The following MAPK15 variants were observed in gnomAD, a reference collection of about 807,000 sequenced individuals.
MAPK15 encodes the protein mitogen-activated protein kinase 15.
Under a neutral mutation model 60.8 loss-of-function variants are expected in MAPK15, and 61 were observed. The observed-to-expected ratio is 1.00, with a 90% CI of 0.82 to 1.24. The LOEUF is 1.24. Among genes scored for constraint, MAPK15 ranks in the 50% most tolerant of loss-of-function variants. The probability of loss-of-function intolerance (pLI) is 0.00; values close to 1 mark genes in which losing one functional copy is unlikely to be tolerated. For synonymous variants in MAPK15, 356 were observed against 319.9 expected (o/e 1.11, Z -1.21); for missense variants, 808 against 741.1 (o/e 1.09, Z -1.05).
intron 6 of MAPK15, 24 bp downstream of exon 6, chr8:143,719,180 C>G (rs782639802): frequency 6.6e-7 from 1 of 1,513,332 alleles, no homozygotes; most frequent in Non-Finnish European, 8.9e-7. Context: ...ATCCCCAACC[C>G]CCCCTCCACC....
chr8:143,718,149 C>G, intron 3 of MAPK15, 63 bp from the exon 4 acceptor site: 2 of 1,612,898 alleles, frequency 1.2e-6, no homozygotes, highest in Non-Finnish European at 1.7e-6. Flanking sequence ...GAGAAACTGG[C>G]CTTCTTGGGC....
At position 143,718,397 on chromosome 8, in the gene MAPK15, G is replaced by A. The variant is rs373445972; in HGVS notation, c.286+95G>A. 140 of 1,133,628 alleles carry A rather than the reference G, an allele frequency of 1.2e-4. No individual in the cohort carries two copies. The African/African-American group carries it at 2.1e-3, about 17-fold the overall frequency. The allele number at this position is 1,133,628 out of a possible 1,614,324, so 70.2% of individuals were successfully genotyped here. ...TGCGTGTCCCCCTGCGTGTCCCTCT[G>A]CAGCTGGCCCACAGTGGCTTGCTCC... is the stretch of plus-strand genomic sequence containing the variant. On this transcript the variant is annotated intron_variant, in intron 4 of 13. Coordinates refer to ENST00000338033, the MANE Select transcript of MAPK15 (RefSeq NM_139021.3).
intron 4 of MAPK15, 171 bp from the exon 5 acceptor site, chr8:143,718,604 C>A: frequency 1.5e-6 from 1 of 648,886 alleles, no homozygotes; most frequent in Admixed American, 2.9e-5. Flanking sequence ...GTTAAAACTC[C>A]TGCAGACCTC....
chr8:143,718,227 C>G lies in MAPK15; in HGVS notation c.211C>G (p.Pro71Ala). ...CTCTCCCCAGGAGTTTGGGGACCAT[C>G]CCAACATCATCAGCCTCCTTGACGT... ...ITLLQEFGDHPNIISLLDVIR... is the reference protein window; with the variant it reads ...ITLLQEFGDHANIISLLDVIR... The change falls in exon 4 of 14, where the codon CCC becomes GCC. Residue 71 changes from proline (P) to alanine (A), a missense_variant. Coordinates refer to ENST00000338033, the MANE Select transcript of MAPK15 (RefSeq NM_139021.3). 4 of 1,614,198 alleles carry G rather than the reference C, an allele frequency of 2.5e-6. No homozygotes were observed. The highest frequency in any genetic ancestry group is 3.4e-6 in the Non-Finnish European group (4 of 1,180,022).
chr8:143,721,212 C>A lies in MAPK15; in HGVS notation c.1024-19C>A. On this transcript the variant is annotated intron_variant, in intron 10 of 13. Coordinates refer to ENST00000338033, the MANE Select transcript of MAPK15 (RefSeq NM_139021.3). ...CCATGCCCAGGCTGTGACCTCTGAG[C>A]ACCCTTCCCCTCCCGCAGATGATCC... The A allele has an allele frequency of 6.2e-7, 1 of 1,600,580 alleles. No individual in the cohort carries two copies. The highest frequency in any genetic ancestry group is 8.5e-7 in the Non-Finnish European group (1 of 1,173,056).
In MAPK15 at chr8:143,721,113, G is replaced by A. The variant is rs781877430; in HGVS notation, c.1023+8G>A. The A allele has an allele frequency of 1.4e-5, 22 of 1,608,642 alleles. No homozygotes were observed. The highest frequency in any genetic ancestry group is 6.7e-5 in the Admixed American group (4 of 59,644). On this transcript the variant is annotated splice_region_variant and intron_variant, in intron 10 of 13. Coordinates refer to ENST00000338033, the MANE Select transcript of MAPK15 (RefSeq NM_139021.3). ...CGCAGCCGCGTCTATCAGGTGCTCC[G>A]GCTCTCGACCCCTATCATCCCCTGT...
Position 143,720,970 on chromosome 8 carries a change from C to A in MAPK15, c.918-30C>A. 6.3e-7 allele frequency: 1 copy of A among 1,591,982 alleles called. No homozygotes were observed. The highest frequency in any genetic ancestry group is 1.1e-5 in the South Asian group (1 of 88,936). On this transcript the variant is annotated intron_variant, in intron 9 of 13. Coordinates refer to ENST00000338033, the MANE Select transcript of MAPK15 (RefSeq NM_139021.3). This position sits in a 1 kb window ranked among gnomAD's most constrained non-coding sequence, Gnocchi z 4.6. ...GCTTGAGGGGCTCCCTTGGCCGCAGCCCGGGCCCCACCTCCCTGGCTCCCT... is the reference window on the plus strand; with the variant it reads ...GCTTGAGGGGCTCCCTTGGCCGCAGACCGGGCCCCACCTCCCTGGCTCCCT...
Position 143,722,230 on chromosome 8 carries a change from G to C in MAPK15, c.1614G>C (p.Leu538=), listed in dbSNP as rs368307354. ...ACTCGGCACTGGGCCACCTGCCCCT[G>C]CTGGAGGGGCACCATGTGTGAGCCG... ...VCHSALGHLP[L]LEGHHV is the part of the protein sequence containing the mutation. The change falls in exon 14 of 14, where the codon CTG becomes CTC. Residue 538 remains leucine, a synonymous_variant. Coordinates refer to ENST00000338033, the MANE Select transcript of MAPK15 (RefSeq NM_139021.3). 1.2e-5 allele frequency: 19 copies of C among 1,592,154 alleles called. No homozygotes were observed. The highest frequency in any genetic ancestry group is 1.5e-5 in the Non-Finnish European group (18 of 1,168,768).
At position 143,721,503 on chromosome 8, in the gene MAPK15, C is replaced by A. The variant is rs781806353; in HGVS notation, c.1205-46C>A. ...TATGCGCAGCATTCGGTTCCTGACCCTGGGGTTGACCCACTGACCCCGGGG... is the reference window on the plus strand; with the variant it reads ...TATGCGCAGCATTCGGTTCCTGACCATGGGGTTGACCCACTGACCCCGGGG... On this transcript the variant is annotated intron_variant, in intron 11 of 13. Coordinates refer to ENST00000338033, the MANE Select transcript of MAPK15 (RefSeq NM_139021.3). 1.9e-6 allele frequency: 3 copies of A among 1,613,032 alleles called. No homozygotes were observed. The East Asian group carries it at 6.7e-5, about 36-fold the overall frequency.
At chr8:143,717,561 T>G (rs942338089) in intron 1 of MAPK15, 133 bp from the exon 2 acceptor site, 8 of 717,672 alleles carry the variant, frequency 1.1e-5, no homozygotes, top group Non-Finnish European at 1.7e-5. Flanking sequence ...AGCCTGCAGT[T>G]GCGGGAGCCC....
Position 143,718,055 on chromosome 8 carries a change from C to T in MAPK15, c.174C>T (p.Phe58=), listed in dbSNP as rs972166431. 6.2e-7 allele frequency: 1 copy of T among 1,614,126 alleles called. No homozygotes were observed. Among genetic ancestry groups the T allele is most frequent in the Non-Finnish European group, 8.5e-7 (1 of 1,180,006 alleles). The change falls in exon 3 of 14, where the codon TTC becomes TTT. Residue 58 remains phenylalanine (F), a synonymous_variant. Coordinates refer to ENST00000338033, the MANE Select transcript of MAPK15 (RefSeq NM_139021.3). ...FRDKTDAQRT[F]REITLLQEFG... Reference sequence around the variant, plus strand: ...TGTTTCTGTCTCTTCAGAGAACATTCCGGGAAATCACGCTCCTCCAGGTGA... The same window carrying T: ...TGTTTCTGTCTCTTCAGAGAACATTTCGGGAAATCACGCTCCTCCAGGTGA...
Position 143,720,089 on chromosome 8 carries a change from G to A in MAPK15, c.722-141G>A, listed in dbSNP as rs1817986993. ...CTGGGTGGCACGCCCTGGTGATGGG[G>A]TGTTTGAGCCCCGCCAGACAGCAGA... On this transcript the variant is annotated intron_variant, in intron 7 of 13. Coordinates refer to ENST00000338033, the MANE Select transcript of MAPK15 (RefSeq NM_139021.3). The surrounding 1 kb of genome is among the most constrained non-coding windows in gnomAD (Gnocchi z 4.6). The A allele has an allele frequency of 1.6e-6, 2 of 1,249,018 alleles. No individual in the cohort carries two copies. The highest frequency in any genetic ancestry group is 2.2e-6 in the Non-Finnish European group (2 of 902,502). 77.4% of individuals were successfully genotyped at this position (1,249,018 alleles called of 1,614,324 possible).
chr8:143,717,253 C>T (rs539537345), intron 1 of MAPK15, among the ~76,000 whole-genome samples: 13 of 152,194 alleles, frequency 8.5e-5, no homozygotes, highest in African/African-American at 2.4e-4. Context: ...AAGGGGTTAG[C>T]GTAGCCACGC....
In MAPK15 at chr8:143,721,068, A is replaced by C. The variant is rs1554619669; in HGVS notation, c.986A>C (p.Gln329Pro). Residue 329 changes from glutamine to proline, a missense_variant, in exon 10 of 14, where the codon CAG becomes CCG. Transcript: ENST00000338033. ...CGGCCCCGGGCACACGAAGGGGTCCAGCTCTCTGTGCCTGAGTACCGCAGC... is the reference window on the plus strand; with the variant it reads ...CGGCCCCGGGCACACGAAGGGGTCCCGCTCTCTGTGCCTGAGTACCGCAGC... The part of the protein sequence containing the change: ...DVRPRAHEGV[Q>P]LSVPEYRSRV... 1.9e-6 allele frequency: 3 copies of C among 1,612,046 alleles called. No homozygotes were observed. The highest frequency in any genetic ancestry group is 2.5e-6 in the Non-Finnish European group (3 of 1,179,564).
At position 143,718,884 on chromosome 8, in the gene MAPK15, C is replaced by A. The variant is rs781085667; in HGVS notation, c.396C>A (p.His132Gln). 2 of 1,608,556 alleles carry A rather than the reference C, an allele frequency of 1.2e-6. No homozygotes were observed. Among genetic ancestry groups the A allele is most frequent in the Non-Finnish European group, 1.7e-6 (2 of 1,177,740 alleles). Reference protein sequence around the residue: ...LRATRFLHSGHVVHRDQKPSN... With the variant: ...LRATRFLHSGQVVHRDQKPSN... Reference sequence around the variant, plus strand: ...CCACCCGGTTCCTCCACTCGGGGCACGTTGTGCACCGGGACCAGAAGGTGC... The same window carrying A: ...CCACCCGGTTCCTCCACTCGGGGCAAGTTGTGCACCGGGACCAGAAGGTGC... The change falls in exon 5 of 14, where the codon CAC (histidine) becomes CAA (glutamine). Residue 132 changes from histidine to glutamine, a missense_variant. His to Gln is a conservative substitution (Grantham distance 24). Transcript: ENST00000338033.
Position 143,721,396 on chromosome 8 carries a change from G to C in MAPK15, c.1189G>C (p.Asp397His). ...RPRPQSSPGH[D>H]PAEHESPRAA... ...CAGGCCCCAGAGCAGCCCAGGCCAT[G>C]ACCCTGCCGAGCACGGTGTGTGATC... Residue 397 changes from aspartate (D) to histidine (H), a missense_variant, in exon 11 of 14, where the codon GAC becomes CAC. Coordinates refer to ENST00000338033, the MANE Select transcript of MAPK15 (RefSeq NM_139021.3). 1 of 1,611,648 alleles carries C rather than the reference G, an allele frequency of 6.2e-7. No homozygotes were observed. Among genetic ancestry groups the C allele is most frequent in the Non-Finnish European group, 8.5e-7 (1 of 1,179,024 alleles).
At position 143,719,053 on chromosome 8, in the gene MAPK15, C is replaced by T. The variant is rs781932698; in HGVS notation, c.478C>T (p.Arg160Cys). ...GAAGCTGTGTGACTTTGGCCTGGCC[C>T]GCTCCCTGGGCGACCTCCCCGAGGG... ...TVKLCDFGLA[R>C]SLGDLPEGPE... is the part of the protein sequence containing the mutation. Residue 160 changes from arginine (R) to cysteine (C), a missense_variant, in exon 6 of 14, where the codon CGC becomes TGC. Transcript: ENST00000338033. 13 of 1,593,148 alleles carry T rather than the reference C, an allele frequency of 8.2e-6. No homozygotes were observed. Among genetic ancestry groups the T allele is most frequent in the East Asian group, 2.3e-5 (1 of 43,378 alleles).
chr8:143,719,573 G>C, intron 7 of MAPK15, 91 bp downstream of exon 7: 1 of 1,476,620 alleles, frequency 6.8e-7, no homozygotes, highest in Non-Finnish European at 9.0e-7. Flanking sequence ...CTAGGACTGT[G>C]CTGAGAGGAG....
At position 143,721,592 on chromosome 8, in the gene MAPK15, T is replaced by C; in HGVS notation, c.1248T>C (p.Ala416=). Residue 416 remains alanine, a synonymous_variant, in exon 12 of 14, where the codon GCT becomes GCC. Coordinates refer to ENST00000338033, the MANE Select transcript of MAPK15 (RefSeq NM_139021.3). ...AAKNVPRQNS[A]PLLQTALLGN... is the part of the protein sequence containing the mutation. The stretch of plus-strand genomic sequence containing the variant: ...AGAACGTTCCCAGGCAGAACTCCGC[T>C]CCCCTGCTCCAAACTGCTCTCCTAG... 1 of 1,613,206 alleles carries C rather than the reference T, an allele frequency of 6.2e-7. No homozygotes were observed. The highest frequency in any genetic ancestry group is 1.3e-5 in the African/African-American group (1 of 74,970).
Sources: gnomAD v4.1 joint callset for allele counts (sites outside exome capture counted in the v4.1 genomes callset) on GRCh38, gnomAD v4.1.1 for gene constraint, Gnocchi (gnomAD v3.1) non-coding constraint, MANE v1.5 for transcripts, NCBI Gene and HGNC (gene_info 2026-07-23, HGNC 2026-07-21) for gene names.